Variants in PRMT8 observed in about 807,000 individuals in gnomAD.
PRMT8 encodes protein arginine methyltransferase 8.
Under a neutral mutation model 47.1 loss-of-function variants are expected in PRMT8, and 7 were observed. The ratio of observed to expected loss-of-function variants is 0.15; its 90% confidence interval spans 0.08 to 0.28. The LOEUF is 0.28. PRMT8 is among the 10% of genes least tolerant of loss of function. The pLI is 1.00. For synonymous variants in PRMT8, 188 were observed against 186.5 expected (o/e 1.01, Z -0.07); for missense variants, 237 against 505.4 (o/e 0.47, Z 5.09).
At chr12:3,516,200 A>G (rs769852246) in intron 1 of PRMT8, among the ~76,000 whole-genome samples, 1 of 152,200 alleles carries the variant, frequency 6.6e-6, no homozygotes, top group Non-Finnish European at 1.5e-5. Flanking sequence ...GCTCTCTGGT[A>G]TGGAGCTACC....
At chr12:3,568,589 T>C in intron 4 of PRMT8, 117 bp from the exon 5 acceptor site, 1 of 1,151,960 alleles carries the variant, frequency 8.7e-7, no homozygotes, top group Non-Finnish European at 1.2e-6. Flanking sequence ...CTACATCATA[T>C]CCTAAAAGTA....
rs1555085718 is a variant in PRMT8 at position 3,496,214 on chromosome 12, A to ATTT, written c.75+4538_75+4540dup. ...TTTGGAAACTGATATATATATATATATTTTTTTTTTTTTTTTTTTTTTTTT... is the reference window on the plus strand; with the variant it reads ...TTTGGAAACTGATATATATATATATATTTTTTTTTTTTTTTTTTTTTTTTTTTT... On this transcript the variant is annotated intron_variant, in intron 1 of 9. Transcript: ENST00000382622. Among the ~76,000 whole-genome samples, 248 of 27,766 alleles carry ATTT rather than the reference A, an allele frequency of 8.9e-3. 21 individuals are homozygous for ATTT. The highest frequency in any genetic ancestry group is 0.018 in the South Asian group (7 of 390). The allele number at this position is 27,766 out of a possible 152,430, so 18.2% of individuals were successfully genotyped here.
Position 3,514,367 on chromosome 12 carries a change from C to T in PRMT8, c.75+22667C>T, listed in dbSNP as rs1865756938. Among the ~76,000 whole-genome samples the T allele has an allele frequency of 6.6e-6, 1 of 152,100 alleles. No individual in the cohort carries two copies. The highest frequency in any genetic ancestry group is 1.5e-5 in the Non-Finnish European group (1 of 68,006). Reference sequence around the variant, plus strand: ...CCTCTGGCTCACCTTGTGGGGGATGCCAGCACCAGATTGCTGTTGGGGTGT... The same window carrying T: ...CCTCTGGCTCACCTTGTGGGGGATGTCAGCACCAGATTGCTGTTGGGGTGT... On this transcript the variant is annotated intron_variant, in intron 1 of 9. Coordinates refer to ENST00000382622, the MANE Select transcript of PRMT8 (RefSeq NM_019854.5). This position sits in a 1 kb window ranked among gnomAD's most constrained non-coding sequence, Gnocchi z 5.9.
At chr12:3,478,046 A>T (rs1159187786) in intron 1 of PRMT8, among the ~76,000 whole-genome samples, 1 of 152,120 alleles carries the variant, frequency 6.6e-6, no homozygotes, top group Non-Finnish European at 1.5e-5. Context: ...ATAATGCTCT[A>T]AGAGTGTAAA....
chr12:3,387,637 T>A (rs1187302749), intron 1 of PRMT8, among the ~76,000 whole-genome samples: 2 of 152,250 alleles, frequency 1.3e-5, no homozygotes, highest in African/African-American at 4.8e-5. Context: ...TATCGAATGC[T>A]TATTATGTGC....
intron 7 of PRMT8, among the ~76,000 whole-genome samples, chr12:3,579,526 T>A (rs530269410): frequency 6.6e-6 from 1 of 152,280 alleles, no homozygotes; most frequent in South Asian, 2.1e-4. Context: ...TCAGGACTCG[T>A]GACCTGTGAT....
Position 3,570,141 on chromosome 12 carries a change from G to A in PRMT8, c.712+577G>A, listed in dbSNP as rs1866819347. ...AGTGTGCATGTGTGCATGAGGCAGGGGCTCGTATCTAAACATGTATTCTTA... is the reference window on the plus strand; with the variant it reads ...AGTGTGCATGTGTGCATGAGGCAGGAGCTCGTATCTAAACATGTATTCTTA... On this transcript the variant is annotated intron_variant, in intron 6 of 9. Coordinates refer to ENST00000382622, the MANE Select transcript of PRMT8 (RefSeq NM_019854.5). This position sits in a 1 kb window ranked among gnomAD's most constrained non-coding sequence, Gnocchi z 5.5. Among the ~76,000 whole-genome samples the A allele has an allele frequency of 6.6e-6, 1 of 152,124 alleles. No individual in the cohort carries two copies. The highest frequency in any genetic ancestry group is 1.5e-5 in the Non-Finnish European group (1 of 68,030).
intron 1 of PRMT8, among the ~76,000 whole-genome samples, chr12:3,435,301 T>C (rs926643313): frequency 1.3e-5 from 2 of 151,924 alleles, no homozygotes; most frequent in Non-Finnish European, 2.9e-5. Flanking sequence ...AGAAAGGGCG[T>C]TGAGCTGGTG....
At chr12:3,422,294 C>T (rs1864550860) in intron 1 of PRMT8, among the ~76,000 whole-genome samples, 1 of 152,186 alleles carries the variant, frequency 6.6e-6, no homozygotes, top group East Asian at 1.9e-4. Context: ...TGTAGGAGGA[C>T]AAGCATGGGT....
At chr12:3,478,830 A>G (rs892171782) in intron 1 of PRMT8, among the ~76,000 whole-genome samples, 5 of 152,390 alleles carry the variant, frequency 3.3e-5, no homozygotes, top group Admixed American at 6.5e-5. Context: ...TGAGATCACC[A>G]TCATGTCCCA....
intron 1 of PRMT8, among the ~76,000 whole-genome samples, chr12:3,467,008 C>A (rs572097399): frequency 1.3e-5 from 2 of 152,066 alleles, no homozygotes; most frequent in African/African-American, 2.4e-5. Context: ...GAGGCGGAGG[C>A]GGGTGGATCA....
Position 3,436,652 on chromosome 12 carries a change from A to G in PRMT8, c.48+55210A>G, listed in dbSNP as rs558639406. Among the ~76,000 whole-genome samples, 5 of 152,232 alleles carry G rather than the reference A, an allele frequency of 3.3e-5. No individual in the cohort carries two copies. The South Asian group carries it at 1.0e-3, about 32-fold the overall frequency. Reference sequence around the variant, plus strand: ...AGTTTCAGCTGGGTGCATGGCCATAATTGGGTTACGGGGCTGCTAATATGA... The same window carrying G: ...AGTTTCAGCTGGGTGCATGGCCATAGTTGGGTTACGGGGCTGCTAATATGA... On this transcript the variant is annotated intron_variant, in intron 1 of 9. Coordinates refer to the PRMT8 transcript ENST00000452611. This position sits in a 1 kb window ranked among gnomAD's most constrained non-coding sequence, Gnocchi z 4.2.
In PRMT8 at chr12:3,474,429, T is replaced by G. The variant is rs559580500; in HGVS notation, c.49-66177T>G. On this transcript the variant is annotated intron_variant, in intron 1 of 9. Transcript: ENST00000452611. ...TTTTCTCTGCTGCAGCCACCCAGCA[T>G]GCGGGACCCATGGTTTCTGCTCCCA... Among the ~76,000 whole-genome samples the G allele has an allele frequency of 5.3e-5, 8 of 152,312 alleles. No individual in the cohort carries two copies. In the East Asian group the frequency reaches 1.5e-3, roughly 29 times the overall value.
chr12:3,447,977 G>A (rs1338878212), intron 1 of PRMT8, among the ~76,000 whole-genome samples: 3 of 152,120 alleles, frequency 2.0e-5, no homozygotes, highest in East Asian at 1.9e-4. Context: ...AGAGTTAAAC[G>A]TTTTGGCCTC....
intron 8 of PRMT8, among the ~76,000 whole-genome samples, chr12:3,586,890 G>A (rs569946550): frequency 1.3e-5 from 2 of 152,196 alleles, no homozygotes; most frequent in Non-Finnish European, 2.9e-5. Context: ...ATGCCTATAT[G>A]GGTAGCAATG....
In PRMT8 at chr12:3,381,553, C is replaced by T. The variant is rs532648830; in HGVS notation, c.48+111C>T. On this transcript the variant is annotated intron_variant, in intron 1 of 9. Coordinates refer to the PRMT8 transcript ENST00000452611. ...TGGCTTTTTTCCTCTTTGTCATCTG[C>T]AGAGCCTGCTCACGTCTCTGTTTCT... 2.1e-3 allele frequency: 2,095 copies of T among 999,478 alleles called. 6 individuals carry two copies. The highest frequency in any genetic ancestry group is 2.4e-3 in the Non-Finnish European group (1,559 of 662,380). The allele number at this position is 999,478 out of a possible 1,614,324, so 61.9% of individuals were successfully genotyped here. A position where few individuals can be genotyped will look rare whatever the true frequency, so the allele number is the denominator to read the frequency against.
rs1302144664 is a variant in PRMT8 at position 3,535,114 on chromosome 12, C to A, written c.76-5492C>A. ...GTGGGTTAGGTCAAACATGCTCCCC[C>A]AAATCCCCACCCCTGCTTGTGGAAA... On this transcript the variant is annotated intron_variant, in intron 1 of 9. Coordinates refer to ENST00000382622, the MANE Select transcript of PRMT8 (RefSeq NM_019854.5). This position sits in a 1 kb window ranked among gnomAD's most constrained non-coding sequence, Gnocchi z 4.7. 1.3e-5 allele frequency among the ~76,000 whole-genome samples: 2 copies of A among 152,210 alleles called. No individual in the cohort carries two copies. The highest frequency in any genetic ancestry group is 2.9e-5 in the Non-Finnish European group (2 of 68,036).
At chr12:3,457,616 A>C (rs183931862) in intron 1 of PRMT8, among the ~76,000 whole-genome samples, 4 of 152,092 alleles carry the variant, frequency 2.6e-5, no homozygotes, top group Non-Finnish European at 2.9e-5. Flanking sequence ...ACCTATGCAC[A>C]TCTTTGTATC....
At chr12:3,490,798 C>A (rs1463620698), upstream of PRMT8, among the ~76,000 whole-genome samples, 1 of 150,286 alleles carries the variant, frequency 6.7e-6, no homozygotes, top group African/African-American at 2.4e-5. Flanking sequence ...ACACCCACCC[C>A]TTCGTTCCCC....
Sources: gnomAD v4.1 joint callset for allele counts (sites outside exome capture counted in the v4.1 genomes callset) on GRCh38, gnomAD v4.1.1 for gene constraint, Gnocchi (gnomAD v3.1) non-coding constraint, MANE v1.5 for transcripts, NCBI Gene and HGNC (gene_info 2026-07-23, HGNC 2026-07-21) for gene names.